BCAS1: variants seen among roughly 807,000 people sequenced by gnomAD.
BCAS1 encodes the protein breast carcinoma-amplified sequence 1.
In BCAS1, 46 loss-of-function variants were observed where a neutral mutation model predicts 65.4. The observed-to-expected ratio is 0.70, with a 90% CI of 0.55 to 0.90. The LOEUF is 0.90. Ranked by LOEUF, BCAS1 falls within the 40% of genes least tolerant of loss-of-function variation. The probability of loss-of-function intolerance (pLI) is 0.00; values close to 1 mark genes in which losing one functional copy is unlikely to be tolerated. For missense variants in BCAS1, 793 were observed against 771.2 expected (o/e 1.03, Z -0.33); for synonymous variants, 298 against 293.5 (o/e 1.02, Z -0.16).
intron 1 of BCAS1, among the ~76,000 whole-genome samples, chr20:54,068,899 A>C (rs576164686): frequency 6.6e-6 from 1 of 152,076 alleles, no homozygotes; most frequent in African/African-American, 2.4e-5. Flanking sequence ...AGCCTTTTTC[A>C]ATTCCTCTCC....
In BCAS1 at chr20:54,028,822, A is replaced by T; in HGVS notation, c.293T>A (p.Met98Lys). Residue 98 changes from methionine to lysine, a missense_variant, in exon 4 of 13, where the codon ATG becomes AAG. Coordinates refer to ENST00000688948, the MANE Select transcript of BCAS1 (RefSeq NM_001366298.2). Reference sequence around the variant, plus strand: ...ACGTCCTGGTACAGGCCGAGAGAGCATCAAGAAAAAACGAGATTTAGCAGC... The same window carrying T: ...ACGTCCTGGTACAGGCCGAGAGAGCTTCAAGAAAAAACGAGATTTAGCAGC... Reference protein sequence around the residue: ...APAAKSRFFLMLSRPVPGRTG... With the variant: ...APAAKSRFFLKLSRPVPGRTG... 6.2e-7 allele frequency: 1 copy of T among 1,614,052 alleles called. No individual in the cohort carries two copies. The highest frequency in any genetic ancestry group is 1.3e-5 in the African/African-American group (1 of 74,986).
At position 54,037,842 on chromosome 20, in the gene BCAS1, G is replaced by C. The variant is rs946822681; in HGVS notation, c.143-8870C>G. ...ACAGAAGAGAAAGAAGAAATAGAAG[G>C]GAGGGAAGATGAACAAAGTAGACAA... On this transcript the variant is annotated intron_variant, in intron 3 of 12. Coordinates refer to ENST00000688948, the MANE Select transcript of BCAS1 (RefSeq NM_001366298.2). 1.4e-4 allele frequency among the ~76,000 whole-genome samples: 21 copies of C among 151,068 alleles called. 1 individual carries two copies. Among genetic ancestry groups the C allele is most frequent in the Non-Finnish European group, 1.5e-5 (1 of 67,540 alleles).
chr20:54,056,521 C>G (rs1281783770), intron 3 of BCAS1, among the ~76,000 whole-genome samples: 1 of 152,110 alleles, frequency 6.6e-6, no homozygotes, highest in East Asian at 1.9e-4. Context: ...ACTCAGGTGA[C>G]AGGTACATTA....
In BCAS1 at chr20:53,950,962, C is replaced by G. The variant is rs532489515; in HGVS notation, c.1815+2470G>C. On this transcript the variant is annotated intron_variant, in intron 12 of 12. Transcript: ENST00000688948. ...GGGTTGCATTTTTAATACCCCTGGTCTAGCTCACTGCCAGGATTCTAAATA... is the reference window on the plus strand; with the variant it reads ...GGGTTGCATTTTTAATACCCCTGGTGTAGCTCACTGCCAGGATTCTAAATA... Among the ~76,000 whole-genome samples the G allele has an allele frequency of 3.5e-4, 53 of 152,316 alleles. 1 individual carries two copies. Among genetic ancestry groups the G allele is most frequent in the Non-Finnish European group, 1.5e-5 (1 of 68,034 alleles).
Position 54,069,837 on chromosome 20 carries a change from A to G in BCAS1, c.-6+596T>C, listed in dbSNP as rs549829051. Among the ~76,000 whole-genome samples, 34 of 152,260 alleles carry G rather than the reference A, an allele frequency of 2.2e-4. 1 individual carries two copies. The South Asian group carries it at 7.1e-3, about 32-fold the overall frequency. On this transcript the variant is annotated intron_variant, in intron 1 of 12. Transcript: ENST00000688948. ...GCATCTGGCGGTGTGGCTGCAGCGC[A>G]CCCGCATTCTAATCGCAATGACTCT...
chr20:54,064,541 A>G (rs556028865), intron 1 of BCAS1, among the ~76,000 whole-genome samples: 1 of 152,304 alleles, frequency 6.6e-6, no homozygotes, highest in South Asian at 2.1e-4. Flanking sequence ...CCCTTCCCCC[A>G]GAACTGGCGG....
At chr20:53,958,062 G>C (rs1040917788) in intron 10 of BCAS1, among the ~76,000 whole-genome samples, 1 of 152,142 alleles carries the variant, frequency 6.6e-6, no homozygotes, top group Non-Finnish European at 1.5e-5. Flanking sequence ...AGGACCAGCA[G>C]CTTCAGCATC....
chr20:54,060,047 G>A (rs368613168), intron 1 of BCAS1, among the ~76,000 whole-genome samples: 14 of 152,296 alleles, frequency 9.2e-5, no homozygotes, highest in African/African-American at 3.4e-4. Context: ...ATCCACAAAC[G>A]AGGTTGTTTC....
chr20:53,970,284 T>TA (rs970647104), intron 9 of BCAS1, among the ~76,000 whole-genome samples: 1 of 152,040 alleles, frequency 6.6e-6, no homozygotes, highest in African/African-American at 2.4e-5. Flanking sequence ...TTGCAGTAGG[T>TA]AAAAAAATAT....
intron 3 of BCAS1, among the ~76,000 whole-genome samples, chr20:54,040,882 AC>A (rs1331469970): frequency 6.6e-6 from 1 of 151,382 alleles, no homozygotes; most frequent in East Asian, 1.9e-4. Flanking sequence ...AAACTTGTAC[AC>A]AAATGTCCAT....
chr20:54,025,280 G>A (rs1213853105), intron 4 of BCAS1, among the ~76,000 whole-genome samples: 1 of 152,100 alleles, frequency 6.6e-6, no homozygotes, highest in African/African-American at 2.4e-5. Context: ...GTGTGTGTGT[G>A]TTGAATCTTT....
chr20:54,040,164 A>G (rs1031857255), intron 3 of BCAS1, among the ~76,000 whole-genome samples: 1 of 151,500 alleles, frequency 6.6e-6, no homozygotes, highest in African/African-American at 2.4e-5. Flanking sequence ...AACTGGTGCT[A>G]TATTTCTATA....
In BCAS1 at chr20:54,051,025, C is replaced by T. The variant is rs370474192; in HGVS notation, c.142+7060G>A. 1.2e-4 allele frequency among the ~76,000 whole-genome samples: 19 copies of T among 152,328 alleles called. 1 individual carries two copies. The highest frequency in any genetic ancestry group is 5.8e-4 in the East Asian group (3 of 5,186). ...AATCTCTAGGCTTAGGCTTTCTCTT[C>T]TCTTTTTAGCTTTTGAGTGAAAAAG... On this transcript the variant is annotated intron_variant, in intron 3 of 12. Coordinates refer to ENST00000688948, the MANE Select transcript of BCAS1 (RefSeq NM_001366298.2).
At chr20:54,029,013 G>A (rs780988750) in intron 3 of BCAS1, 41 bp from the exon 4 acceptor site, 6 of 1,552,576 alleles carry the variant, frequency 3.9e-6, no homozygotes, top group Non-Finnish European at 5.2e-6. Flanking sequence ...CAGCCAAGCC[G>A]GGAAATTCAG....
At chr20:54,018,530 GT>G in intron 4 of BCAS1, among the ~76,000 whole-genome samples, 1 of 152,056 alleles carries the variant, frequency 6.6e-6, no homozygotes, top group East Asian at 1.9e-4. Context: ...TAGAGACGGG[GT>G]TTCATTGTGT....
Position 53,959,511 on chromosome 20 carries a change from C to T in BCAS1, c.1486-2014G>A, listed in dbSNP as rs2276513. Among the ~76,000 whole-genome samples the T allele has an allele frequency of 3.0e-4, 45 of 152,276 alleles. 1 individual carries two copies. In the East Asian group the frequency reaches 7.9e-3, roughly 27 times the overall value. ...TCAAATGATCCACCCGCCTCGGCCTCCCAAAGTGTTAGGATTACAGGCGTG... is the reference window on the plus strand; with the variant it reads ...TCAAATGATCCACCCGCCTCGGCCTTCCAAAGTGTTAGGATTACAGGCGTG... On this transcript the variant is annotated intron_variant, in intron 10 of 12. Transcript: ENST00000688948.
At chr20:54,022,122 G>A (rs527835661) in intron 4 of BCAS1, among the ~76,000 whole-genome samples, 3 of 152,290 alleles carry the variant, frequency 2.0e-5, no homozygotes, top group Admixed American at 1.3e-4. Context: ...ACTAAGCCTA[G>A]GGACTAAGCA....
chr20:53,980,209 G>C (rs1321198581), intron 8 of BCAS1, among the ~76,000 whole-genome samples: 1 of 152,060 alleles, frequency 6.6e-6, no homozygotes. Context: ...TTATATTTTG[G>C]ACTGCACTAG....
chr20:53,947,780 T>G (rs938676170), intron 12 of BCAS1, among the ~76,000 whole-genome samples: 2 of 152,184 alleles, frequency 1.3e-5, no homozygotes, highest in African/African-American at 4.8e-5. Flanking sequence ...TTGCTGTGAT[T>G]AGAGCACAAA....
Sources: allele counts gnomAD v4.1 joint callset (sites outside exome capture counted in the v4.1 genomes callset), GRCh38; gene constraint gnomAD v4.1.1; transcripts MANE v1.5; gene names NCBI Gene and HGNC (gene_info 2026-07-23, HGNC 2026-07-21).